SCML4: variants seen among roughly 807,000 people sequenced by gnomAD.
The protein encoded by SCML4 is Scm polycomb group protein like 4, also known as sex comb on midleg-like protein 4.
SCML4 carries 34 observed loss-of-function variants against 41.1 expected under a neutral mutation model. The observed-to-expected ratio is 0.83, with a 90% CI of 0.63 to 1.10. The LOEUF is 1.10. Among genes scored for constraint, SCML4 ranks in the 50% least tolerant of loss-of-function variants. SCML4 has a pLI of 0.00. For missense variants in SCML4, 522 were observed against 534.1 expected, an observed-to-expected ratio of 0.98 and a Z score of 0.22; for synonymous variants, 214 against 220.9, an observed-to-expected ratio of 0.97 and a Z score of 0.28.
intron 1 of SCML4, among the ~76,000 whole-genome samples, chr6:107,820,639 T>G (rs1433212182): frequency 6.6e-6 from 1 of 152,198 alleles, no homozygotes; most frequent in Non-Finnish European, 1.5e-5. Context: ...GAGTGAGCCC[T>G]TGCCAGAATT....
chr6:107,778,531 C>T (rs936346987), intron 1 of SCML4, among the ~76,000 whole-genome samples: 2 of 151,998 alleles, frequency 1.3e-5, no homozygotes, highest in Admixed American at 6.6e-5. Flanking sequence ...CGCTGGCTTC[C>T]TAAGTCTCCC....
At chr6:107,834,714 G>A in the SCML4 span, among the ~76,000 whole-genome samples, 1 of 152,196 alleles carries the variant, frequency 6.6e-6, no homozygotes, top group African/African-American at 2.4e-5. Context: ...GGGAGGCTGA[G>A]GCAGGCAGAT....
intron 1 of SCML4, among the ~76,000 whole-genome samples, chr6:107,798,819 T>A (rs1782896877): frequency 6.6e-6 from 1 of 152,130 alleles, no homozygotes; most frequent in Non-Finnish European, 1.5e-5. Context: ...CAGTTCGAAA[T>A]ATTTTCTAAT....
At chr6:107,710,124 T>G (rs9386660) in intron 6 of SCML4, among the ~76,000 whole-genome samples, 5,536 of 54,406 alleles carry the variant, frequency 0.1, 1,183 homozygotes, top group Middle Eastern at 0.17. Context: ...AGTTAGATTT[T>G]TATTTCCTAA....
intron 1 of SCML4, among the ~76,000 whole-genome samples, chr6:107,792,746 TA>T (rs1394528821): frequency 6.8e-6 from 1 of 146,914 alleles, no homozygotes; most frequent in African/African-American, 2.6e-5. Context: ...AAAAAAAAGA[TA>T]AAAAGGATAA....
At chr6:107,773,589 C>CAAAAAAAA (rs5878938) in intron 1 of SCML4, among the ~76,000 whole-genome samples, 16 of 76,924 alleles carry the variant, frequency 2.1e-4, no homozygotes, top group East Asian at 8.4e-4. Context: ...AAGACTGTCT[C>CAAAAAAAA]AAAAAAAAAA....
chr6:107,835,079 G>T, the SCML4 span, among the ~76,000 whole-genome samples: 1 of 152,078 alleles, frequency 6.6e-6, no homozygotes, highest in East Asian at 1.9e-4. Context: ...AGGGCATTAG[G>T]CTGGGCTCAG....
intron 2 of SCML4, among the ~76,000 whole-genome samples, chr6:107,768,448 G>A (rs142301932): frequency 0.011 from 1,707 of 152,340 alleles, 33 homozygotes; most frequent in African/African-American, 0.039. Context: ...TTTCAAGGAT[G>A]ATAGCCTTTC....
intron 6 of SCML4, among the ~76,000 whole-genome samples, chr6:107,714,273 C>T (rs901145514): frequency 1.3e-5 from 2 of 152,172 alleles, no homozygotes; most frequent in Non-Finnish European, 2.9e-5. Flanking sequence ...TCCTTCTTGG[C>T]CACCAGAAGA....
intron 5 of SCML4, among the ~76,000 whole-genome samples, chr6:107,743,515 T>A (rs1777780499): frequency 6.6e-6 from 1 of 152,216 alleles, no homozygotes; most frequent in Non-Finnish European, 1.5e-5. Flanking sequence ...TAAGAATATG[T>A]TTGTGAGTCA....
intron 6 of SCML4, among the ~76,000 whole-genome samples, chr6:107,717,290 CAAAAAA>C (rs11449697): frequency 1.7e-5 from 2 of 119,130 alleles, no homozygotes; most frequent in African/African-American, 3.3e-5. Context: ...GACTCTGTCT[CAAAAAA>C]AAAAAAAAAA....
At chr6:107,808,533 G>A (rs4946868) in intron 1 of SCML4, among the ~76,000 whole-genome samples, 141,126 of 152,142 alleles carry the variant, frequency 0.93, 66,260 homozygotes, top group Non-Finnish European at 1. Flanking sequence ...CGGCCTCCCA[G>A]AGTGCTGGGA....
intron 2 of SCML4, 131 bp from the exon 3 acceptor site, chr6:107,749,944 G>C: frequency 1.1e-6 from 1 of 898,352 alleles, no homozygotes; most frequent in Non-Finnish European, 1.7e-6. Context: ...CTGCAGTTTC[G>C]GGGCCTGAGC....
intron 5 of SCML4, 40 bp from the exon 6 acceptor site, chr6:107,721,033 G>A: frequency 6.4e-7 from 1 of 1,554,724 alleles, no homozygotes. Flanking sequence ...ATATCAGAGA[G>A]CAGTTCAGGA....
chr6:107,735,442 C>T (rs72933109), intron 5 of SCML4, among the ~76,000 whole-genome samples: 3 of 151,760 alleles, frequency 2.0e-5, no homozygotes, highest in South Asian at 2.1e-4. Context: ...TTTTTGAGGG[C>T]GGGGGGATTC....
chr6:107,776,302 G>A (rs1200723638), intron 1 of SCML4, among the ~76,000 whole-genome samples: 1 of 152,180 alleles, frequency 6.6e-6, no homozygotes, highest in Non-Finnish European at 1.5e-5. Context: ...CTAGGTTGGT[G>A]CAGAAGTAGT....
chr6:107,733,569 C>T (rs1776761257), intron 5 of SCML4, among the ~76,000 whole-genome samples: 1 of 152,178 alleles, frequency 6.6e-6, no homozygotes, highest in South Asian at 2.1e-4. Flanking sequence ...GCATGGACAA[C>T]AGATAATGGT....
chr6:107,817,984 T>G (rs959688142), intron 1 of SCML4, among the ~76,000 whole-genome samples: 1 of 152,204 alleles, frequency 6.6e-6, no homozygotes, highest in Non-Finnish European at 1.5e-5. Context: ...TCTTTATTTA[T>G]GTTAAGTCTC....
chr6:107,710,137 A>ATTCCTCCCAC (rs374670602), intron 6 of SCML4, among the ~76,000 whole-genome samples: 1 of 67,666 alleles, frequency 1.5e-5, no homozygotes, highest in Admixed American at 1.8e-4. Context: ...TTTCCTAAGG[A>ATTCCTCCCAC]TGAGAGCTAA....
Sources: gnomAD v4.1 joint callset for allele counts (sites outside exome capture counted in the v4.1 genomes callset) on GRCh38, gnomAD v4.1.1 for gene constraint, MANE v1.5 for transcripts, NCBI Gene and HGNC (gene_info 2026-07-23, HGNC 2026-07-21) for gene names.